Variants in TOP1MT observed in about 807,000 individuals in gnomAD.
TOP1MT encodes DNA topoisomerase I, mitochondrial.
TOP1MT carries 80 observed loss-of-function variants against 73.9 expected under a neutral mutation model. The ratio of observed to expected loss-of-function variants is 1.08; its 90% CI spans 0.90 to 1.30. The LOEUF is 1.30. Ranked by LOEUF, TOP1MT falls within the 50% of genes most tolerant of loss-of-function variation. TOP1MT has a pLI of 0.00. For missense variants in TOP1MT, 815 were observed against 808.0 expected, an observed-to-expected ratio of 1.01 and a Z score of -0.10; for synonymous variants, 338 against 326.4, an observed-to-expected ratio of 1.04 and a Z score of -0.38.
At chr8:143,321,054 C>G in intron 8 of TOP1MT, 147 bp downstream of exon 8, 1 of 804,006 alleles carries the variant, frequency 1.2e-6, no homozygotes, top group Non-Finnish European at 1.9e-6. Flanking sequence ...TCACCTTTAC[C>G]CCGATCAGCC....
chr8:143,329,930 G>A (rs1481139856), intron 2 of TOP1MT, among the ~76,000 whole-genome samples: 2 of 129,812 alleles, frequency 1.5e-5, no homozygotes, highest in Non-Finnish European at 3.0e-5. Context: ...TAAGATCAGT[G>A]TGGTTTAGAG....
At chr8:143,343,694 G>A (rs561993895) in intron 1 of TOP1MT, 2 of 161,274 alleles carry the variant, frequency 1.2e-5, no homozygotes, top group Non-Finnish European at 2.7e-5. Flanking sequence ...AAGAAGAAGT[G>A]TGAGAAAATA....
rs1816326872 is a variant in TOP1MT at position 143,321,100 on chromosome 8, G to A, written c.1146+101C>T. On this transcript the variant is annotated intron_variant, in intron 8 of 13. Coordinates refer to ENST00000329245, the MANE Select transcript of TOP1MT (RefSeq NM_052963.3). ...AGGCCTCACCCAGCAGGCAGGACGT[G>A]GCAAACGGGCCACAGACCCCACGGC... 3.9e-6 allele frequency: 5 copies of A among 1,289,298 alleles called. No homozygotes were observed. In the East Asian group the frequency reaches 1.3e-4, roughly 33 times the overall value. 79.9% of individuals were successfully genotyped at this position (1,289,298 alleles called of 1,614,324 possible).
rs148823638 is a variant in TOP1MT at position 143,320,653 on chromosome 8, C to T, written c.1146+548G>A. Among the ~76,000 whole-genome samples, 243 of 152,234 alleles carry T rather than the reference C, an allele frequency of 1.6e-3. 1 individual carries two copies. The highest frequency in any genetic ancestry group is 6.8e-3 in the Middle Eastern group (2 of 294). ...AGTGGGCTGGGCCCTAACTCCAATACGACAGCGTCCTTGTGAGAACACGCA... is the reference window on the plus strand; with the variant it reads ...AGTGGGCTGGGCCCTAACTCCAATATGACAGCGTCCTTGTGAGAACACGCA... On this transcript the variant is annotated intron_variant, in intron 8 of 13. Transcript: ENST00000329245.
intron 13 of TOP1MT, chr8:143,309,865 C>T: frequency 1.3e-6 from 2 of 1,539,540 alleles, no homozygotes; most frequent in Non-Finnish European, 1.7e-6. Flanking sequence ...AGCACCCCCA[C>T]TTCACCCTGT....
chr8:143,333,812 G>A (rs79572014), intron 1 of TOP1MT: 6,297 of 152,482 alleles, frequency 0.041, 442 homozygotes, highest in African/African-American at 0.14. Flanking sequence ...GTGCACCCTC[G>A]GAGAGATGTG....
upstream of TOP1MT, among the ~76,000 whole-genome samples, chr8:143,338,663 A>G (rs538044532): frequency 1.8e-4 from 28 of 152,368 alleles, no homozygotes; most frequent in Non-Finnish European, 4.0e-4. Flanking sequence ...TCCTGTAAAA[A>G]GATGCTCAAA....
chr8:143,315,856 C>T (rs1198951497), intron 11 of TOP1MT, 35 bp from the exon 12 acceptor site: 1 of 1,608,692 alleles, frequency 6.2e-7, no homozygotes. Flanking sequence ...GCTGCCCCTC[C>T]CCATCCCGCA....
intron 3 of TOP1MT, chr8:143,328,423 A>C: frequency 2.6e-6 from 1 of 385,876 alleles, no homozygotes; most frequent in Non-Finnish European, 5.1e-6. Flanking sequence ...CTGAAATGAC[A>C]CGTCAGTACA....
At chr8:143,351,910 C>A (rs1586786580) in intron 1 of TOP1MT, among the ~76,000 whole-genome samples, 1 of 152,280 alleles carries the variant, frequency 6.6e-6, no homozygotes, top group Non-Finnish European at 1.5e-5. Flanking sequence ...ATGGAGAAAC[C>A]CCCTCTCTAT....
chr8:143,357,674 C>G (rs1056363917), upstream of TOP1MT, among the ~76,000 whole-genome samples: 8 of 152,110 alleles, frequency 5.3e-5, no homozygotes, highest in African/African-American at 1.9e-4. Flanking sequence ...GTAATCCCAG[C>G]ACTTTAGGAG....
At chr8:143,321,625 GC>G (rs2130052454) in intron 7 of TOP1MT, among the ~76,000 whole-genome samples, 4 of 39,668 alleles carry the variant, frequency 1.0e-4, no homozygotes, top group Admixed American at 4.6e-4. Flanking sequence ...CCACACGCAC[GC>G]CACACACAGG....
intron 7 of TOP1MT, among the ~76,000 whole-genome samples, chr8:143,322,793 T>G (rs1404862329): frequency 8.8e-5 from 2 of 22,796 alleles, no homozygotes; most frequent in Non-Finnish European, 1.5e-4. Context: ...GCCACACACA[T>G]GCACACACAC....
chr8:143,315,855 C>T, intron 11 of TOP1MT, 34 bp from the exon 12 acceptor site: 1 of 1,608,414 alleles, frequency 6.2e-7, no homozygotes, highest in South Asian at 1.1e-5. Context: ...GGCTGCCCCT[C>T]CCCATCCCGC....
upstream of TOP1MT, among the ~76,000 whole-genome samples, chr8:143,357,751 G>A (rs555318690): frequency 3.9e-5 from 6 of 152,062 alleles, no homozygotes; most frequent in South Asian, 4.2e-4. Flanking sequence ...GTGAAATCAC[G>A]TATCTACTAA....
intron 7 of TOP1MT, 143 bp from the exon 8 acceptor site, chr8:143,321,529 CCACACA>C (rs1181557405): frequency 1.5e-6 from 1 of 650,890 alleles, no homozygotes; most frequent in Non-Finnish European, 2.4e-6. Flanking sequence ...CACACGCACG[CCACACA>C]CACGCACGCC....
upstream of TOP1MT, among the ~76,000 whole-genome samples, chr8:143,347,214 G>A (rs1164531312): frequency 6.6e-6 from 1 of 152,118 alleles, no homozygotes; most frequent in Admixed American, 6.6e-5. Context: ...GGGTGCAGTG[G>A]CGCGATCTCT....
intron 7 of TOP1MT, among the ~76,000 whole-genome samples, chr8:143,322,728 C>T (rs1428927150): frequency 1.6e-4 from 3 of 19,334 alleles, no homozygotes; most frequent in Admixed American, 6.1e-4. Flanking sequence ...CACACAGGCA[C>T]GCCACACACG....
intron 12 of TOP1MT, among the ~76,000 whole-genome samples, chr8:143,312,505 A>G (rs572467035): frequency 7.3e-6 from 1 of 137,472 alleles, no homozygotes; most frequent in Non-Finnish European, 1.6e-5. Context: ...GACAAAATCC[A>G]ATGCTCTTCA....
Sources: allele counts gnomAD v4.1 joint callset (sites outside exome capture counted in the v4.1 genomes callset), GRCh38; gene constraint gnomAD v4.1.1; transcripts MANE v1.5; gene names NCBI Gene and HGNC (gene_info 2026-07-23, HGNC 2026-07-21).